Variants in CSMD1 observed in about 807,000 individuals in gnomAD.
CSMD1 encodes the protein CUB and sushi domain-containing protein 1.
Under a neutral mutation model 417.5 loss-of-function variants are expected in CSMD1, and 213 were observed. That is an observed-to-expected ratio of 0.51 (90% confidence interval 0.46 to 0.57). CSMD1 has a LOEUF of 0.57. Among genes scored for constraint, CSMD1 ranks in the 20% least tolerant of loss-of-function variants. CSMD1 has a pLI of 0.00. For synonymous variants in CSMD1, 2,862 were observed against 1,736.8 expected (o/e 1.65, Z -16.11); for missense variants, 6,923 against 4,529.7 (o/e 1.53, Z -15.17).
chr8:4,173,299 T>C (rs572399605), intron 3 of CSMD1, among the ~76,000 whole-genome samples: 2 of 152,164 alleles, frequency 1.3e-5, no homozygotes, highest in African/African-American at 2.4e-5. Flanking sequence ...GAGTTCCAAA[T>C]TGAAGTGGGA....
intron 2 of CSMD1, among the ~76,000 whole-genome samples, chr8:4,451,747 G>A (rs779090441): frequency 4.6e-5 from 7 of 151,918 alleles, no homozygotes; most frequent in Admixed American, 6.6e-5. Flanking sequence ...ACAAGGCATC[G>A]AATGATACAG....
At position 3,454,784 on chromosome 8, in the gene CSMD1, T is replaced by C. The variant is rs572516048; in HGVS notation, c.1561+13928A>G. Among the ~76,000 whole-genome samples, 46 of 152,288 alleles carry C rather than the reference T, an allele frequency of 3.0e-4. 1 individual carries two copies. The highest frequency in any genetic ancestry group is 9.1e-4 in the African/African-American group (38 of 41,564). ...TCTACTTTGCTGAATCTGACAATTA[T>C]GTGTCTTTGAGTTGCTCTTCTCGAG... is the stretch of plus-strand genomic sequence containing the variant. On this transcript the variant is annotated intron_variant, in intron 12 of 69. Coordinates refer to ENST00000635120, the MANE Select transcript of CSMD1 (RefSeq NM_033225.6).
At chr8:3,614,004 A>G (rs542975286) in intron 8 of CSMD1, among the ~76,000 whole-genome samples, 33 of 152,048 alleles carry the variant, frequency 2.2e-4, no homozygotes, top group African/African-American at 7.5e-4. Flanking sequence ...AAAATCACCT[A>G]GGGAGAAAGT....
chr8:4,374,501 A>C (rs1218657298), intron 3 of CSMD1, among the ~76,000 whole-genome samples: 1 of 152,084 alleles, frequency 6.6e-6, no homozygotes, highest in East Asian at 1.9e-4. Flanking sequence ...GAGTGAGGAG[A>C]GAATGCCCAC....
chr8:4,786,192 C>T (rs1416098136), intron 1 of CSMD1, among the ~76,000 whole-genome samples: 4 of 152,192 alleles, frequency 2.6e-5, no homozygotes, highest in African/African-American at 2.4e-5. Context: ...ACCATCTTGG[C>T]TCTTAAGCAA....
chr8:3,883,903 T>A (rs1806379694), intron 5 of CSMD1, among the ~76,000 whole-genome samples: 1 of 152,048 alleles, frequency 6.6e-6, no homozygotes, highest in Admixed American at 6.6e-5. Context: ...AAATATAAAT[T>A]AAATATATGT....
Position 4,785,794 on chromosome 8 carries a change from A to C in CSMD1, c.86-148236T>G, listed in dbSNP as rs187663914. On this transcript the variant is annotated intron_variant, in intron 1 of 69. Coordinates refer to ENST00000635120, the MANE Select transcript of CSMD1 (RefSeq NM_033225.6). The stretch of plus-strand genomic sequence containing the variant: ...TCTCCCGGGAACCTTATAAGATATA[A>C]GTGTTGCCCAGACTCGTTAAATGGT... 1.6e-4 allele frequency among the ~76,000 whole-genome samples: 24 copies of C among 152,296 alleles called. 1 individual carries two copies. The East Asian group carries it at 4.4e-3, about 28-fold the overall frequency.
intron 1 of CSMD1, among the ~76,000 whole-genome samples, chr8:4,825,792 AAAAG>A (rs1255451747): frequency 2.0e-5 from 3 of 149,962 alleles, no homozygotes; most frequent in Admixed American, 2.0e-4. Context: ...ATGCAAAAAA[AAAAG>A]AAAAAAAAAA....
chr8:3,792,334 A>C (rs554914382), intron 5 of CSMD1, among the ~76,000 whole-genome samples: 10 of 152,280 alleles, frequency 6.6e-5, no homozygotes, highest in Admixed American at 6.5e-4. Context: ...TAATAATAAT[A>C]AAATCAATGA....
intron 5 of CSMD1, among the ~76,000 whole-genome samples, chr8:3,781,531 T>C (rs1180399476): frequency 1.3e-5 from 2 of 152,126 alleles, no homozygotes; most frequent in Non-Finnish European, 2.9e-5. Flanking sequence ...CATGGATATA[T>C]GGTCTATCTG....
At chr8:4,768,373 G>A (rs1300543808) in intron 1 of CSMD1, among the ~76,000 whole-genome samples, 1 of 152,122 alleles carries the variant, frequency 6.6e-6, no homozygotes, top group Non-Finnish European at 1.5e-5. Context: ...AAAGCTTCCT[G>A]TTCTTTCCAT....
intron 37 of CSMD1, among the ~76,000 whole-genome samples, chr8:3,179,133 T>G (rs113394115): frequency 0.24 from 34,926 of 147,830 alleles, 4,608 homozygotes; most frequent in African/African-American, 0.32. Context: ...TTTTAGTAGA[T>G]ACGGGGTTTC....
chr8:4,639,111 T>G (rs898278434), intron 1 of CSMD1, among the ~76,000 whole-genome samples: 1 of 152,154 alleles, frequency 6.6e-6, no homozygotes, highest in African/African-American at 2.4e-5. Context: ...CCGATGCATT[T>G]CATTTCCGCT....
intron 18 of CSMD1, among the ~76,000 whole-genome samples, chr8:3,379,149 T>C (rs1039980379): frequency 6.6e-6 from 1 of 152,148 alleles, no homozygotes; most frequent in Non-Finnish European, 1.5e-5. Flanking sequence ...CATTCACAAT[T>C]GCTACAAAGA....
chr8:3,413,855 A>G (rs1322918009), intron 12 of CSMD1, among the ~76,000 whole-genome samples: 1 of 152,114 alleles, frequency 6.6e-6, no homozygotes, highest in Non-Finnish European at 1.5e-5. Context: ...AACAAACACT[A>G]CAGCCAGATG....
chr8:3,903,750 G>C (rs1037526639), intron 5 of CSMD1, among the ~76,000 whole-genome samples: 9 of 152,124 alleles, frequency 5.9e-5, no homozygotes, highest in African/African-American at 1.7e-4. Flanking sequence ...TCAGGTGATG[G>C]ACTTTGCCAC....
chr8:4,310,444 A>G (rs1284179266), intron 3 of CSMD1, among the ~76,000 whole-genome samples: 2 of 152,214 alleles, frequency 1.3e-5, no homozygotes, highest in Non-Finnish European at 2.9e-5. Context: ...ATTGTGCAGA[A>G]GTAGGAAGGA....
At chr8:4,133,466 C>T (rs1385032752) in intron 3 of CSMD1, among the ~76,000 whole-genome samples, 1 of 152,086 alleles carries the variant, frequency 6.6e-6, no homozygotes, top group African/African-American at 2.4e-5. Context: ...TTTCTTTCAG[C>T]CCCAAATCAG....
chr8:4,436,060 C>G (rs1167604082), intron 2 of CSMD1, among the ~76,000 whole-genome samples: 1 of 152,152 alleles, frequency 6.6e-6, no homozygotes, highest in Non-Finnish European at 1.5e-5. Context: ...ATTCACAGAT[C>G]TTATAATTCC....
Sources: gnomAD v4.1 joint callset for allele counts (sites outside exome capture counted in the v4.1 genomes callset) on GRCh38, gnomAD v4.1.1 for gene constraint, MANE v1.5 for transcripts, NCBI Gene and HGNC (gene_info 2026-07-23, HGNC 2026-07-21) for gene names.